Variants in AKT3 observed in about 807,000 individuals in gnomAD.
AKT3 encodes AKT serine/threonine kinase 3, also known as RAC-gamma serine/threonine-protein kinase.
In AKT3, 15 loss-of-function variants were observed where a neutral mutation model predicts 65.3. That is an observed-to-expected ratio of 0.23 (90% CI 0.15 to 0.35). AKT3 has a LOEUF of 0.35. AKT3 is among the 10% of genes least tolerant of loss of function. AKT3 has a pLI of 1.00. For missense variants in AKT3, 243 were observed against 576.5 expected, an observed-to-expected ratio of 0.42 and a Z score of 5.92; for synonymous variants, 206 against 183.8, an observed-to-expected ratio of 1.12 and a Z score of -0.98.
intron 6 of AKT3, among the ~76,000 whole-genome samples, chr1:243,620,944 A>G (rs1178374950): frequency 5.3e-5 from 8 of 152,154 alleles, no homozygotes; most frequent in Admixed American, 2.6e-4. Context: ...TCTTAACTCT[A>G]TATTTCACAT....
intron 8 of AKT3, among the ~76,000 whole-genome samples, chr1:243,589,198 C>T (rs1343816287): frequency 1.3e-5 from 2 of 148,542 alleles, no homozygotes; most frequent in Non-Finnish European, 3.0e-5. Context: ...CCCAGCTACT[C>T]GGAAAGCTGA....
At chr1:243,703,964 G>T (rs888396070) in intron 2 of AKT3, among the ~76,000 whole-genome samples, 13 of 151,986 alleles carry the variant, frequency 8.6e-5, no homozygotes, top group Non-Finnish European at 1.8e-4. Flanking sequence ...GAATTTTTAG[G>T]TTATCATTTA....
At chr1:243,578,324 A>T in intron 8 of AKT3, among the ~76,000 whole-genome samples, 1 of 152,226 alleles carries the variant, frequency 6.6e-6, no homozygotes, top group Non-Finnish European at 1.5e-5. Context: ...AAAATGTGGT[A>T]CATATAACCC....
At chr1:243,627,514 G>A (rs1432553187) in intron 6 of AKT3, among the ~76,000 whole-genome samples, 1 of 152,090 alleles carries the variant, frequency 6.6e-6, no homozygotes, top group African/African-American at 2.4e-5. Context: ...TGTTTCGAAG[G>A]GATTCTGACT....
chr1:243,807,760 T>G (rs535558285), intron 2 of AKT3, among the ~76,000 whole-genome samples: 2 of 152,004 alleles, frequency 1.3e-5, no homozygotes, highest in East Asian at 1.9e-4. Context: ...GACCCCCGAG[T>G]AGCCTAACTG....
intron 4 of AKT3, among the ~76,000 whole-genome samples, chr1:243,661,766 G>A (rs1377280457): frequency 1.0e-4 from 15 of 146,218 alleles, no homozygotes; most frequent in East Asian, 4.1e-4. Context: ...GAGTGAACAG[G>A]CAACCTACAA....
intron 6 of AKT3, chr1:243,625,019 T>C: frequency 5.5e-6 from 2 of 361,762 alleles, no homozygotes; most frequent in African/African-American, 4.2e-5. Flanking sequence ...CAAAGTTCTG[T>C]CGGTCAGCTT....
intron 9 of AKT3, 113 bp from the exon 10 acceptor site, chr1:243,563,961 T>A: frequency 9.8e-7 from 1 of 1,018,426 alleles, no homozygotes; most frequent in Non-Finnish European, 1.4e-6. Flanking sequence ...AGGACATAGT[T>A]GTAGCTAATA....
intron 10 of AKT3, among the ~76,000 whole-genome samples, chr1:243,556,576 TG>T (rs1411583278): frequency 6.6e-6 from 1 of 151,888 alleles, no homozygotes; most frequent in Non-Finnish European, 1.5e-5. Context: ...ACAGAACAGA[TG>T]GGGGAAAAAA....
At chr1:243,583,095 T>C (rs1403623763) in intron 8 of AKT3, among the ~76,000 whole-genome samples, 5 of 149,408 alleles carry the variant, frequency 3.3e-5, no homozygotes, top group Admixed American at 2.7e-4. Flanking sequence ...TCCATATATA[T>C]ATATATCTCT....
rs58911364 is a variant in AKT3 at position 243,699,465 on chromosome 1, C to CTATATATATATATATATA, written c.47-3767_47-3750dup. On this transcript the variant is annotated intron_variant, in intron 2 of 13. Coordinates refer to ENST00000673466, the MANE Select transcript of AKT3 (RefSeq NM_005465.7). ...AAGACTTCCAACCCAACCTCTTCCA[C>CTATATATATATATATATA]TATATATATATATATATATATATAT... Among the ~76,000 whole-genome samples the CTATATATATATATATATA allele has an allele frequency of 4.6e-4, 48 of 103,586 alleles. 2 individuals carry two copies. Among genetic ancestry groups the CTATATATATATATATATA allele is most frequent in the African/African-American group, 8.8e-4 (18 of 20,446 alleles). The allele number at this position is 103,586 out of a possible 152,430, so 68.0% of individuals were successfully genotyped here. A position where few individuals can be genotyped will look rare whatever the true frequency, so the allele number is the denominator to read the frequency against.
chr1:243,805,965 C>A (rs1265876453), intron 2 of AKT3, among the ~76,000 whole-genome samples: 1 of 152,150 alleles, frequency 6.6e-6, no homozygotes, highest in African/African-American at 2.4e-5. Flanking sequence ...TAGGACTACT[C>A]CCAAATTTTC....
At chr1:243,599,687 T>C (rs564482411) in intron 8 of AKT3, among the ~76,000 whole-genome samples, 6 of 152,152 alleles carry the variant, frequency 3.9e-5, no homozygotes, top group Non-Finnish European at 7.4e-5. Flanking sequence ...CTTCAACTTT[T>C]AATAAAGAGC....
At chr1:243,540,921 A>G (rs1335568898) in intron 12 of AKT3, among the ~76,000 whole-genome samples, 1 of 152,196 alleles carries the variant, frequency 6.6e-6, no homozygotes, top group Non-Finnish European at 1.5e-5. Flanking sequence ...CTTCAAAAGT[A>G]CTGTGCCCTT....
upstream of AKT3, chr1:243,850,245 GGGGA>G (rs960520515): frequency 1.3e-4 from 20 of 156,998 alleles, no homozygotes; most frequent in African/African-American, 2.9e-4. Flanking sequence ...AAGGGCTGCA[GGGGA>G]GGGAGGGAGG....
chr1:243,513,049 G>A (rs924631025), intron 12 of AKT3, among the ~76,000 whole-genome samples: 36 of 152,216 alleles, frequency 2.4e-4, no homozygotes, highest in Non-Finnish European at 4.6e-4. Context: ...CAGCCCAGAA[G>A]AGATTAAGAG....
chr1:243,493,328 TG>T (rs1000025845), intron 13 of AKT3, among the ~76,000 whole-genome samples: 1 of 152,002 alleles, frequency 6.6e-6, no homozygotes, highest in Non-Finnish European at 1.5e-5. Flanking sequence ...GCCCAGAGCC[TG>T]GGGGCTCTAA....
rs879188187 is a variant in AKT3, at chr1:243,503,101, GA to G, written c.*2147del. 1.8e-4 allele frequency: 39 copies of G among 216,610 alleles called. No individual in the cohort carries two copies. The highest frequency in any genetic ancestry group is 4.0e-4 in the East Asian group (6 of 15,180). The allele number at this position is 216,610 out of a possible 1,614,324, so 13.4% of individuals were successfully genotyped here. On this transcript the variant is annotated 3_prime_UTR_variant, in exon 14 of 14. Coordinates refer to ENST00000673466, the MANE Select transcript of AKT3 (RefSeq NM_005465.7). ...TGAAACATTCAACATAATTCCAAGT[GA>G]AAAAAAAAAGATTAGCTATGTGTGT...
At chr1:243,616,320 A>AG (rs1678311206) in intron 6 of AKT3, among the ~76,000 whole-genome samples, 1 of 149,936 alleles carries the variant, frequency 6.7e-6, no homozygotes, top group Admixed American at 6.6e-5. Context: ...AAAAAAAAAA[A>AG]AAAAAAAAAA....
Sources: allele counts gnomAD v4.1 joint callset (sites outside exome capture counted in the v4.1 genomes callset), GRCh38; gene constraint gnomAD v4.1.1; transcripts MANE v1.5; gene names NCBI Gene and HGNC (gene_info 2026-07-23, HGNC 2026-07-21).